ZFPM2: variants seen among roughly 807,000 people sequenced by gnomAD.
ZFPM2 encodes the protein zinc finger protein ZFPM2.
A neutral mutation model predicts 98.6 loss-of-function variants in ZFPM2; 20 were observed. The observed-to-expected ratio is 0.20, with a 90% CI of 0.14 to 0.29. The LOEUF is 0.29. ZFPM2 is among the 10% of genes least tolerant of loss of function. The pLI, the probability that ZFPM2 is intolerant of heterozygous loss-of-function variation, is 1.00. For missense variants in ZFPM2, 1,310 were observed against 1,388.6 expected (o/e 0.94, Z 0.90); for synonymous variants, 518 against 502.7 (o/e 1.03, Z -0.41).
chr8:105,497,312 C>T (rs1813490123), intron 3 of ZFPM2, among the ~76,000 whole-genome samples: 1 of 152,078 alleles, frequency 6.6e-6, no homozygotes, highest in Non-Finnish European at 1.5e-5. Context: ...ATTCTGATAT[C>T]AAACCTAATC....
intron 1 of ZFPM2, among the ~76,000 whole-genome samples, chr8:105,410,169 T>G (rs1811547421): frequency 6.6e-6 from 1 of 151,874 alleles, no homozygotes. Flanking sequence ...ACATATGCAA[T>G]GACTAAAACC....
intron 1 of ZFPM2, among the ~76,000 whole-genome samples, chr8:105,414,051 T>G (rs1811631516): frequency 6.6e-6 from 1 of 151,928 alleles, no homozygotes; most frequent in Non-Finnish European, 1.5e-5. Context: ...TCTGAAACAA[T>G]CTCATTTTGC....
chr8:105,586,560 C>T (rs1327401537), intron 4 of ZFPM2, among the ~76,000 whole-genome samples: 3 of 151,796 alleles, frequency 2.0e-5, no homozygotes, highest in Non-Finnish European at 2.9e-5. Flanking sequence ...GTAGCTGGGA[C>T]TCCAGGCGTG....
intron 5 of ZFPM2, among the ~76,000 whole-genome samples, chr8:105,773,488 T>TA (rs1256366406): frequency 4.6e-5 from 7 of 151,768 alleles, no homozygotes; most frequent in Admixed American, 3.3e-4. Flanking sequence ...TCATTTGGAG[T>TA]AAAAAAATAG....
chr8:105,521,130 T>C (rs1232249752), intron 3 of ZFPM2, among the ~76,000 whole-genome samples: 1 of 129,466 alleles, frequency 7.7e-6, no homozygotes, highest in Admixed American at 7.4e-5. Flanking sequence ...TGTATATATA[T>C]ATACACACAC....
intron 1 of ZFPM2, among the ~76,000 whole-genome samples, chr8:105,320,518 G>A (rs1212537576): frequency 6.6e-6 from 1 of 152,074 alleles, no homozygotes; most frequent in Non-Finnish European, 1.5e-5. Flanking sequence ...GGACTCAATT[G>A]ATCAGATTCC....
chr8:105,685,039 A>G (rs1266678755), intron 5 of ZFPM2: 3 of 152,102 alleles, frequency 2.0e-5, no homozygotes, highest in Admixed American at 6.6e-5. Context: ...GTATTAAACT[A>G]CTGTCTTGAA....
Position 105,616,081 on chromosome 8 carries a change from A to C in ZFPM2, c.421-18165A>C, listed in dbSNP as rs182001290. Among the ~76,000 whole-genome samples the C allele has an allele frequency of 8.6e-4, 131 of 152,212 alleles. No homozygotes were observed. In the Middle Eastern group the frequency reaches 0.01, roughly 12 times the overall value. On this transcript the variant is annotated intron_variant, in intron 4 of 7. Transcript: ENST00000407775. Reference sequence around the variant, plus strand: ...GTAAGAAGAATTTGCATATTCTGAAATGTTTATACTAGATAAGGCATTCCC... The same window carrying C: ...GTAAGAAGAATTTGCATATTCTGAACTGTTTATACTAGATAAGGCATTCCC...
At chr8:105,623,164 AT>A (rs925045770) in intron 4 of ZFPM2, among the ~76,000 whole-genome samples, 3 of 151,790 alleles carry the variant, frequency 2.0e-5, no homozygotes, top group African/African-American at 4.8e-5. Context: ...CCAAGATTTT[AT>A]TTTTTTTGCA....
intron 2 of ZFPM2, among the ~76,000 whole-genome samples, chr8:105,430,036 G>C (rs1563654789): frequency 6.6e-6 from 1 of 152,134 alleles, no homozygotes; most frequent in Non-Finnish European, 1.5e-5. Flanking sequence ...TAAATACTGG[G>C]TGTCGCTTCA....
chr8:105,726,553 G>A (rs1366181867), intron 5 of ZFPM2, among the ~76,000 whole-genome samples: 2 of 151,758 alleles, frequency 1.3e-5, no homozygotes, highest in Admixed American at 1.3e-4. Flanking sequence ...ACTAGCAGAC[G>A]CTTCGTTTGT....
Position 105,481,698 on chromosome 8 carries a change from G to A in ZFPM2, c.301+37317G>A, listed in dbSNP as rs1427065052. Among the ~76,000 whole-genome samples, 6 of 152,126 alleles carry A rather than the reference G, an allele frequency of 3.9e-5. No homozygotes were observed. The East Asian group carries it at 1.2e-3, about 29-fold the overall frequency. The stretch of plus-strand genomic sequence containing the variant: ...CTGTTAAGTGAATGGTATTAATATA[G>A]TAAGAATGTATCTTAAGTAGGTAAG... On this transcript the variant is annotated intron_variant, in intron 3 of 7. Transcript: ENST00000407775.
At chr8:105,621,853 G>C (rs1178722662) in intron 4 of ZFPM2, among the ~76,000 whole-genome samples, 1 of 151,890 alleles carries the variant, frequency 6.6e-6, no homozygotes, top group Non-Finnish European at 1.5e-5. Flanking sequence ...TTTATTATTA[G>C]TTTTTATTAT....
chr8:105,605,252 A>G (rs1816173538), intron 4 of ZFPM2, among the ~76,000 whole-genome samples: 1 of 152,144 alleles, frequency 6.6e-6, no homozygotes, highest in Non-Finnish European at 1.5e-5. Context: ...TTAACCCAAG[A>G]TTAGTCAATA....
At chr8:105,627,315 CTA>C (rs1162165408) in intron 4 of ZFPM2, among the ~76,000 whole-genome samples, 2 of 152,074 alleles carry the variant, frequency 1.3e-5, no homozygotes, top group African/African-American at 2.4e-5. Flanking sequence ...TCAAGTTTGT[CTA>C]GTTGTGGGCT....
At chr8:105,660,539 T>C (rs553472795) in intron 5 of ZFPM2, among the ~76,000 whole-genome samples, 1 of 152,280 alleles carries the variant, frequency 6.6e-6, no homozygotes, top group East Asian at 1.9e-4. Context: ...ACAACAAGCA[T>C]AGTGGGTCAA....
intron 3 of ZFPM2, among the ~76,000 whole-genome samples, chr8:105,528,142 G>T (rs1221545632): frequency 6.6e-6 from 1 of 152,182 alleles, no homozygotes; most frequent in Non-Finnish European, 1.5e-5. Context: ...CCTGAGCCCA[G>T]GTGGGAGAAT....
intron 1 of ZFPM2, among the ~76,000 whole-genome samples, chr8:105,382,904 A>C (rs1810915355): frequency 6.6e-6 from 1 of 152,150 alleles, no homozygotes. Context: ...CGAGTGGAAC[A>C]TTAAAGGTGT....
rs144425211 is a variant in ZFPM2 at position 105,693,671 on chromosome 8, A to G, written c.532+59314A>G. On this transcript the variant is annotated intron_variant, in intron 5 of 7. Transcript: ENST00000407775. ...AATTCCAATAGGCCATATATTTTCT[A>G]TATGGACAGCTGTAACATGTGCTTC... 4.1e-3 allele frequency among the ~76,000 whole-genome samples: 619 copies of G among 152,280 alleles called. 5 individuals are homozygous for G. The highest frequency in any genetic ancestry group is 0.013 in the African/African-American group (551 of 41,562).
Sources: allele counts gnomAD v4.1 joint callset (sites outside exome capture counted in the v4.1 genomes callset), GRCh38; gene constraint gnomAD v4.1.1; transcripts MANE v1.5; gene names NCBI Gene and HGNC (gene_info 2026-07-23, HGNC 2026-07-21).